KATNIP: variants seen among roughly 807,000 people sequenced by gnomAD.
The protein encoded by KATNIP is katanin interacting protein.
A neutral mutation model predicts 174.0 loss-of-function variants in KATNIP; 126 were observed. The ratio of observed to expected loss-of-function variants is 0.72; its 90% CI spans 0.63 to 0.84. KATNIP has a LOEUF of 0.84. KATNIP is among the 40% of genes least tolerant of loss of function. KATNIP has a pLI of 0.00. For missense variants in KATNIP, 1,958 were observed against 2,109.7 expected, an observed-to-expected ratio of 0.93 and a Z score of 1.41; for synonymous variants, 810 against 835.7, an observed-to-expected ratio of 0.97 and a Z score of 0.53.
At chr16:27,766,055 C>T (rs896512129) in intron 19 of KATNIP, among the ~76,000 whole-genome samples, 1 of 151,834 alleles carries the variant, frequency 6.6e-6, no homozygotes, top group African/African-American at 2.4e-5. Flanking sequence ...AAACAAAAAC[C>T]CTGATGATTG....
intron 3 of KATNIP, among the ~76,000 whole-genome samples, chr16:27,626,825 G>A (rs2076347617): frequency 6.6e-6 from 1 of 152,036 alleles, no homozygotes; most frequent in African/African-American, 2.4e-5. Context: ...AGGTGTGGTG[G>A]CACATGCCTG....
Position 27,777,593 on chromosome 16 carries a change from G to A in KATNIP, c.4552-17G>A. 6.3e-7 allele frequency: 1 copy of A among 1,597,482 alleles called. No individual in the cohort carries two copies. The highest frequency in any genetic ancestry group is 8.5e-7 in the Non-Finnish European group (1 of 1,170,858). On this transcript the variant is annotated splice_polypyrimidine_tract_variant and intron_variant, in intron 25 of 27. Coordinates refer to ENST00000261588, the MANE Select transcript of KATNIP (RefSeq NM_015202.5). This position sits in a 1 kb window ranked among gnomAD's most constrained non-coding sequence, Gnocchi z 4.4. ...GGGACGAGGGGGACCCATGAGTCCT[G>A]CCCCGTGTCCCTGCAGCTCCTGGTG...
intron 1 of KATNIP, among the ~76,000 whole-genome samples, chr16:27,560,325 C>A (rs1215229285): frequency 6.6e-6 from 1 of 151,408 alleles, no homozygotes; most frequent in African/African-American, 2.4e-5. Context: ...ACATAAGAAC[C>A]TGGACTTCTC....
chr16:27,707,571 C>T (rs903284412), intron 12 of KATNIP, among the ~76,000 whole-genome samples: 2 of 152,358 alleles, frequency 1.3e-5, no homozygotes, highest in African/African-American at 4.8e-5. Flanking sequence ...CCAACCAGGC[C>T]GAGGGATGTC....
intron 6 of KATNIP, among the ~76,000 whole-genome samples, chr16:27,661,559 T>G (rs1341949519): frequency 6.6e-6 from 1 of 151,166 alleles, no homozygotes; most frequent in Non-Finnish European, 1.5e-5. Context: ...GCCCAGCTAA[T>G]TTTTGTATTT....
At chr16:27,558,168 TAG>T (rs1482238443) in intron 1 of KATNIP, among the ~76,000 whole-genome samples, 6 of 152,228 alleles carry the variant, frequency 3.9e-5, no homozygotes, top group East Asian at 3.9e-4. Flanking sequence ...TGTTTTTAGA[TAG>T]AGTCTTGTTC....
chr16:27,714,568 C>G (rs2079839875), intron 13 of KATNIP, among the ~76,000 whole-genome samples: 1 of 151,856 alleles, frequency 6.6e-6, no homozygotes, highest in South Asian at 2.1e-4. Context: ...AAACCTTTAG[C>G]TAAACTAACC....
intron 6 of KATNIP, among the ~76,000 whole-genome samples, chr16:27,650,331 C>T (rs2077083103): frequency 6.6e-6 from 1 of 152,152 alleles, no homozygotes; most frequent in African/African-American, 2.4e-5. Flanking sequence ...ATTAGGTGCA[C>T]TGGGGCAGAA....
chr16:27,630,936 G>A, intron 4 of KATNIP, 129 bp from the exon 5 acceptor site: 1 of 685,618 alleles, frequency 1.5e-6, no homozygotes, highest in Non-Finnish European at 2.6e-6. Flanking sequence ...CCACGCTGTA[G>A]TCAATGTCCT....
chr16:27,602,177 G>T (rs1193267052), intron 2 of KATNIP, among the ~76,000 whole-genome samples: 3 of 152,174 alleles, frequency 2.0e-5, no homozygotes, highest in Non-Finnish European at 4.4e-5. Context: ...GGCAAGGAGG[G>T]TAGGGGCAGC....
chr16:27,677,807 A>G lies in KATNIP; in HGVS notation c.619A>G (p.Ile207Val), dbSNP rs1248959482. 20 of 1,613,994 alleles carry G rather than the reference A, an allele frequency of 1.2e-5. No individual in the cohort carries two copies. The highest frequency in any genetic ancestry group is 4.5e-5 in the East Asian group (2 of 44,888). ...TTGTTCCAGCGATGAGTATGACTCTATTGAGGAAGACATACTCTCTGAGCC... is the reference window on the plus strand; with the variant it reads ...TTGTTCCAGCGATGAGTATGACTCTGTTGAGGAAGACATACTCTCTGAGCC... ...KDCSSDEYDS[I>V]EEDILSEPEP... Residue 207 changes from isoleucine (I) to valine (V), a missense_variant, in exon 7 of 28, where the codon ATT becomes GTT. Around this residue, in one of 3 missense-constraint regions of KATNIP, gnomAD observed 1,557 missense variants for 1,617.8 expected, o/e 0.96. Coordinates refer to ENST00000261588, the MANE Select transcript of KATNIP (RefSeq NM_015202.5).
chr16:27,779,805 GC>G lies in KATNIP; in HGVS notation c.*1177del, dbSNP rs1567445155. The G allele has an allele frequency of 1.3e-5, 2 of 152,244 alleles. No homozygotes were observed. The highest frequency in any genetic ancestry group is 2.9e-5 in the Non-Finnish European group (2 of 68,104). The allele number at this position is 152,244 out of a possible 1,614,324, so 9.4% of individuals were successfully genotyped here. A position where few individuals can be genotyped will look rare whatever the true frequency, so the allele number is the denominator to read the frequency against. ...TCCCAGTAGTGGGTAATTTCTCGTTGCAAATATTAATCCGTTGTTTTTCTGG... is the reference window on the plus strand; with the variant it reads ...TCCCAGTAGTGGGTAATTTCTCGTTGAAATATTAATCCGTTGTTTTTCTGG... On this transcript the variant is annotated 3_prime_UTR_variant, in exon 28 of 28. Transcript: ENST00000261588.
chr16:27,556,285 A>T (rs1301281031), intron 1 of KATNIP, among the ~76,000 whole-genome samples: 1 of 152,206 alleles, frequency 6.6e-6, no homozygotes, highest in African/African-American at 2.4e-5. Context: ...TTAAGAGAAA[A>T]TCCAATGTTT....
chr16:27,718,434 A>G (rs2143013729), intron 13 of KATNIP: 1 of 152,366 alleles, frequency 6.6e-6, no homozygotes, highest in Non-Finnish European at 1.5e-5. Context: ...GCAGCTTCCC[A>G]TCAGCCTTTC....
Position 27,628,155 on chromosome 16 carries a change from C to T in KATNIP, c.141-506C>T, listed in dbSNP as rs190013426. ...AACACATCTATTCACTGAAGCAAAA[C>T]GTTAGCCCACCTGGTCTGACGAAAG... On this transcript the variant is annotated intron_variant, in intron 3 of 27. Transcript: ENST00000261588. Among the ~76,000 whole-genome samples the T allele has an allele frequency of 5.1e-4, 78 of 152,304 alleles. 1 individual carries two copies. Among genetic ancestry groups the T allele is most frequent in the African/African-American group, 1.8e-3 (75 of 41,570 alleles).
At chr16:27,681,287 T>A in intron 7 of KATNIP, 112 bp from the exon 8 acceptor site, 1 of 1,372,276 alleles carries the variant, frequency 7.3e-7, no homozygotes. Flanking sequence ...ACAAAGTAGT[T>A]CCGTAGACAT....
intron 2 of KATNIP, among the ~76,000 whole-genome samples, chr16:27,594,228 C>G (rs138185534): frequency 6.0e-4 from 92 of 152,128 alleles, no homozygotes; most frequent in African/African-American, 2.1e-3. Flanking sequence ...CCATTGCACT[C>G]CAGCCTGGGT....
chr16:27,749,294 C>T (rs116357467), intron 15 of KATNIP, among the ~76,000 whole-genome samples: 39 of 152,342 alleles, frequency 2.6e-4, no homozygotes, highest in African/African-American at 8.4e-4. Context: ...ATTATTTTAC[C>T]GACCTGAATG....
At chr16:27,726,188 G>A (rs2080443153) in intron 14 of KATNIP, among the ~76,000 whole-genome samples, 1 of 152,176 alleles carries the variant, frequency 6.6e-6, no homozygotes, top group Admixed American at 6.5e-5. Context: ...CGCTCCTTAT[G>A]AGAATCTAAT....
Sources: gnomAD v4.1 joint callset for allele counts (sites outside exome capture counted in the v4.1 genomes callset) on GRCh38, gnomAD v4.1.1 for gene constraint, gnomAD v4.1.1 regional missense constraint, Gnocchi (gnomAD v3.1) non-coding constraint, MANE v1.5 for transcripts, NCBI Gene and HGNC (gene_info 2026-07-23, HGNC 2026-07-21) for gene names.